Variants in ANKS1B observed in about 807,000 individuals in gnomAD.
The protein encoded by ANKS1B is ankyrin repeat and sterile alpha motif domain-containing protein 1B.
In ANKS1B, 36 loss-of-function variants were observed where a neutral mutation model predicts 148.3. The ratio of observed to expected loss-of-function variants is 0.24; its 90% CI spans 0.19 to 0.32. The LOEUF is 0.32. ANKS1B is among the 10% of genes least tolerant of loss of function. The probability of loss-of-function intolerance (pLI) is 1.00; values close to 1 mark genes in which losing one functional copy is unlikely to be tolerated. For missense variants in ANKS1B, 1,157 were observed against 1,542.6 expected, an observed-to-expected ratio of 0.75 and a Z score of 4.19; for synonymous variants, 542 against 560.8, an observed-to-expected ratio of 0.97 and a Z score of 0.47.
intron 8 of ANKS1B, among the ~76,000 whole-genome samples, chr12:99,702,972 T>C (rs2055113795): frequency 6.6e-6 from 1 of 152,078 alleles, no homozygotes; most frequent in Non-Finnish European, 1.5e-5. Flanking sequence ...CAGGGTCTAA[T>C]TTCATTCTTC....
At chr12:99,983,112 G>A (rs1273868581) in intron 1 of ANKS1B, among the ~76,000 whole-genome samples, 2 of 152,180 alleles carry the variant, frequency 1.3e-5, no homozygotes, top group Admixed American at 6.5e-5. Flanking sequence ...TCCAAGAGAT[G>A]TTTTAAGGCG....
At chr12:98,773,404 C>CTGCA (rs2098621757) in intron 24 of ANKS1B, among the ~76,000 whole-genome samples, 1 of 152,126 alleles carries the variant, frequency 6.6e-6, no homozygotes, top group Admixed American at 6.5e-5. Flanking sequence ...TATCCTGGAG[C>CTGCA]TGCAGTTCTC....
chr12:98,935,366 T>C (rs972244932), intron 17 of ANKS1B, among the ~76,000 whole-genome samples: 1 of 152,216 alleles, frequency 6.6e-6, no homozygotes, highest in Non-Finnish European at 1.5e-5. Context: ...GCTTTTAGAT[T>C]CAGCTTTCTA....
At chr12:99,557,501 C>A (rs911204324) in intron 9 of ANKS1B, among the ~76,000 whole-genome samples, 1 of 152,126 alleles carries the variant, frequency 6.6e-6, no homozygotes, top group East Asian at 1.9e-4. Flanking sequence ...GAGTTTTTCA[C>A]CTCTATCAGA....
At chr12:99,747,792 C>T (rs759418893) in intron 8 of ANKS1B, among the ~76,000 whole-genome samples, 6 of 152,044 alleles carry the variant, frequency 3.9e-5, no homozygotes, top group Non-Finnish European at 8.8e-5. Context: ...AATTGGATTG[C>T]TATCTCAAAT....
At chr12:99,969,631 T>G (rs2095534173) in intron 1 of ANKS1B, among the ~76,000 whole-genome samples, 1 of 152,204 alleles carries the variant, frequency 6.6e-6, no homozygotes, top group Non-Finnish European at 1.5e-5. Flanking sequence ...ATGAAACTGA[T>G]AAGCACACAA....
intron 22 of ANKS1B, among the ~76,000 whole-genome samples, chr12:98,784,403 G>A (rs575732588): frequency 6.6e-6 from 1 of 152,136 alleles, no homozygotes; most frequent in Non-Finnish European, 1.5e-5. Flanking sequence ...AAAGAGGAGA[G>A]GGCTTAGAAG....
At chr12:98,781,094 C>T in intron 24 of ANKS1B, 23 bp downstream of exon 24, 1 of 1,470,778 alleles carries the variant, frequency 6.8e-7, no homozygotes, top group Non-Finnish European at 9.3e-7. Flanking sequence ...GGTGTCTAAA[C>T]CAGAGAGAGG....
At chr12:99,746,977 A>C (rs2060657280) in intron 8 of ANKS1B, among the ~76,000 whole-genome samples, 1 of 152,088 alleles carries the variant, frequency 6.6e-6, no homozygotes. Context: ...CTGGAACTAC[A>C]AATCCCTGGG....
At chr12:98,894,091 A>G (rs1240336009) in intron 17 of ANKS1B, among the ~76,000 whole-genome samples, 1 of 152,176 alleles carries the variant, frequency 6.6e-6, no homozygotes, top group Non-Finnish European at 1.5e-5. Context: ...TGGAAAGTCC[A>G]TGCCCACGTC....
At chr12:99,816,776 C>T (rs2069230436) in intron 2 of ANKS1B, among the ~76,000 whole-genome samples, 1 of 151,258 alleles carries the variant, frequency 6.6e-6, no homozygotes, top group Non-Finnish European at 1.5e-5. Context: ...CATATATATC[C>T]AAAGTAATAT....
chr12:99,101,738 T>A (rs891840413), intron 15 of ANKS1B, among the ~76,000 whole-genome samples: 4 of 152,192 alleles, frequency 2.6e-5, no homozygotes, highest in African/African-American at 9.7e-5. Context: ...ATTTTTGTAT[T>A]TTTAGTAAAG....
chr12:99,167,156 C>T (rs1482837707), intron 14 of ANKS1B, among the ~76,000 whole-genome samples: 1 of 151,884 alleles, frequency 6.6e-6, no homozygotes, highest in Non-Finnish European at 1.5e-5. Context: ...TACAAAATTT[C>T]TAGAAGAAAA....
At chr12:99,776,925 C>T (rs1243808360) in intron 6 of ANKS1B, among the ~76,000 whole-genome samples, 4 of 152,074 alleles carry the variant, frequency 2.6e-5, no homozygotes, top group South Asian at 2.1e-4. Context: ...CCTTGTAATC[C>T]GCCCACCTCG....
intron 9 of ANKS1B, among the ~76,000 whole-genome samples, chr12:99,535,519 A>G (rs1450537079): frequency 6.6e-6 from 1 of 152,208 alleles, no homozygotes; most frequent in South Asian, 2.1e-4. Context: ...AATACTTTCT[A>G]AATAAATTTT....
intron 9 of ANKS1B, among the ~76,000 whole-genome samples, chr12:99,641,862 T>C (rs1418818247): frequency 6.6e-6 from 1 of 152,220 alleles, no homozygotes; most frequent in Non-Finnish European, 1.5e-5. Flanking sequence ...TCCGTCTATT[T>C]TTTTAATTTT....
chr12:99,127,818 G>A (rs1358123295), intron 15 of ANKS1B, among the ~76,000 whole-genome samples: 1 of 152,182 alleles, frequency 6.6e-6, no homozygotes, highest in Non-Finnish European at 1.5e-5. Flanking sequence ...TTTCTGTTTT[G>A]ATTGCATCTG....
intron 12 of ANKS1B, among the ~76,000 whole-genome samples, chr12:99,395,395 T>C (rs1372363240): frequency 6.6e-6 from 1 of 152,152 alleles, no homozygotes; most frequent in Non-Finnish European, 1.5e-5. Flanking sequence ...CCTACAAATA[T>C]TCTACATTTC....
intron 1 of ANKS1B, among the ~76,000 whole-genome samples, chr12:99,936,072 C>T (rs2094760607): frequency 6.6e-6 from 1 of 152,026 alleles, no homozygotes; most frequent in African/African-American, 2.4e-5. Flanking sequence ...CTCACTATCA[C>T]AAGAACAGCA....
Sources: allele counts gnomAD v4.1 joint callset (sites outside exome capture counted in the v4.1 genomes callset), GRCh38; gene constraint gnomAD v4.1.1; transcripts MANE v1.5; gene names NCBI Gene and HGNC (gene_info 2026-07-23, HGNC 2026-07-21).